The following CTCFL variants were observed in gnomAD, a reference collection of about 807,000 sequenced individuals.
The protein encoded by CTCFL is CCCTC-binding factor like.
In CTCFL, 36 loss-of-function variants were observed where a neutral mutation model predicts 67.4. That is an observed-to-expected ratio of 0.53 (90% CI 0.41 to 0.71). The LOEUF (loss-of-function observed/expected upper bound fraction) is 0.71, where lower values mean the gene tolerates loss of function less well. Among genes scored for constraint, CTCFL ranks in the 30% least tolerant of loss-of-function variants. The pLI is 0.00. For synonymous variants in CTCFL, 324 were observed against 302.3 expected, an observed-to-expected ratio of 1.07 and a Z score of -0.75; for missense variants, 786 against 835.2, an observed-to-expected ratio of 0.94 and a Z score of 0.73.
In CTCFL at chr20:57,498,190, T is replaced by C; in HGVS notation, c.*360A>G. ...ATATCCAAAAATCACTACTCACTCA[T>C]TGTGGGCCACCTTGCCAATATCAAG... On this transcript the variant is annotated 3_prime_UTR_variant, in exon 11 of 11. Coordinates refer to ENST00000243914, the MANE Select transcript of CTCFL (RefSeq NM_001386993.1). 5.0e-6 allele frequency: 5 copies of C among 999,390 alleles called. No homozygotes were observed. Among genetic ancestry groups the C allele is most frequent in the Non-Finnish European group, 6.0e-6 (5 of 839,008 alleles). 61.9% of individuals were successfully genotyped at this position (999,390 alleles called of 1,614,324 possible).
upstream of CTCFL, chr20:57,525,584 A>C (rs1600691984): frequency 2.7e-5 from 1 of 36,568 alleles, no homozygotes; most frequent in Middle Eastern, 0.019. Flanking sequence ...GGGAGATCTG[A>C]GGGGGAATGG....
chr20:57,501,133 G>A (rs570440997), intron 10 of CTCFL, among the ~76,000 whole-genome samples: 2 of 152,316 alleles, frequency 1.3e-5, no homozygotes, highest in East Asian at 1.9e-4. Flanking sequence ...GTGACTTAAC[G>A]AGCAATGCTG....
rs1304348741 is a variant in CTCFL, at chr20:57,515,727, CAT to C, written c.1165_1166del (p.Met389GlufsTer6). 2 of 1,614,036 alleles carry C rather than the reference CAT, an allele frequency of 1.2e-6. No homozygotes were observed. Among genetic ancestry groups the C allele is most frequent in the Non-Finnish European group, 1.7e-6 (2 of 1,180,034 alleles). On this transcript the variant is annotated frameshift_variant, in exon 6 of 11. Transcript: ENST00000243914. LOFTEE classifies it high-confidence loss of function. Reference protein sequence around the residue: ...SRDTYKLKRHMRTHSGEKPYE... With the variant: ...SRDTYKLKRHXRTHSGEKPYE... ...CAGAGCCCTTACCTGAGTGCGTTCT[CAT>C]GTGGCGTTTCAGCTTGTAGGTATCT...
intron 9 of CTCFL, among the ~76,000 whole-genome samples, chr20:57,503,963 A>G (rs2068050386): frequency 1.3e-5 from 2 of 151,560 alleles, no homozygotes; most frequent in African/African-American, 4.8e-5. Context: ...AAAAGGTGAT[A>G]GAAACCTAAA....
upstream of CTCFL, chr20:57,525,353 A>C: frequency 1.7e-5 from 1 of 59,050 alleles, no homozygotes; most frequent in Non-Finnish European, 3.1e-5. Context: ...CATACAGGGC[A>C]CTGGGAGACC....
At chr20:57,501,160 C>G (rs914825324) in intron 10 of CTCFL, among the ~76,000 whole-genome samples, 1 of 152,212 alleles carries the variant, frequency 6.6e-6, no homozygotes, top group Admixed American at 6.5e-5. Flanking sequence ...GGCCTAGTGC[C>G]AGGAGCTGGG....
At chr20:57,507,629 G>A (rs1218468908) in intron 9 of CTCFL, 6 of 702,910 alleles carry the variant, frequency 8.5e-6, no homozygotes, top group African/African-American at 7.0e-5. Flanking sequence ...ACTGAGGCCG[G>A]TGCCAGCAGT....
At position 57,504,677 on chromosome 20, in the gene CTCFL, C is replaced by G. The variant is rs867862769; in HGVS notation, c.1675-1076G>C. The stretch of plus-strand genomic sequence containing the variant: ...GCAGGGAGACCTAAGATAAGGAGGA[C>G]CTGGGGGCTGAAATCTGACCACTGC... On this transcript the variant is annotated intron_variant, in intron 9 of 10. Transcript: ENST00000243914. Among the ~76,000 whole-genome samples the G allele has an allele frequency of 3.9e-5, 6 of 151,952 alleles. No individual in the cohort carries two copies. The South Asian group carries it at 6.2e-4, about 16-fold the overall frequency.
upstream of CTCFL, chr20:57,525,247 G>A (rs2069793648): frequency 7.4e-6 from 1 of 135,710 alleles, no homozygotes; most frequent in African/African-American, 2.8e-5. Flanking sequence ...CAGGGGGGAA[G>A]GGGAGTAGGG....
Position 57,524,148 on chromosome 20 carries a change from C to A in CTCFL, c.58G>T (p.Glu20Ter). The A allele has an allele frequency of 1.2e-6, 2 of 1,613,508 alleles. No individual in the cohort carries two copies. Among genetic ancestry groups the A allele is most frequent in the Non-Finnish European group, 1.7e-6 (2 of 1,179,978 alleles). Reference protein sequence around the residue: ...SEQFTKIKELELMPEKGLKEE... With the variant: ...SEQFTKIKEL ...TTCAGGCCTTTTTCCGGCATCAACT[C>A]GAGTTCTTTGATCTTGGTGAATTGC... The change falls in exon 2 of 11, where the codon GAG (glutamate) becomes TAG (stop). Residue 20 changes from glutamate to a stop codon, truncating the protein, a stop_gained. Transcript: ENST00000243914. LOFTEE classifies it high-confidence loss of function.
At chr20:57,499,687 TG>T in intron 10 of CTCFL, 2 of 189,672 alleles carry the variant, frequency 1.1e-5, no homozygotes, top group Non-Finnish European at 2.1e-5. Context: ...CAGTCCCATC[TG>T]GGGGTGATGG....
chr20:57,498,811 C>T (rs2146268703), intron 10 of CTCFL, 110 bp from the exon 11 acceptor site: 2 of 930,560 alleles, frequency 2.1e-6, no homozygotes, highest in Non-Finnish European at 3.3e-6. Flanking sequence ...AACACGGCAG[C>T]AAGCATGTTA....
intron 9 of CTCFL, among the ~76,000 whole-genome samples, chr20:57,505,502 C>T (rs1156859215): frequency 2.0e-5 from 3 of 152,076 alleles, no homozygotes; most frequent in South Asian, 2.1e-4. Flanking sequence ...GTGATCCGCC[C>T]GCCTCGGCCT....
chr20:57,524,250 G>A (rs114907239), intron 1 of CTCFL, 34 bp from the exon 2 acceptor site: 12 of 1,569,380 alleles, frequency 7.6e-6, no homozygotes, highest in Admixed American at 3.5e-5. Context: ...TTTCCATAGG[G>A]GGGAGAAGGG....
At position 57,519,350 on chromosome 20, in the gene CTCFL, A is replaced by C. The variant is rs747051644; in HGVS notation, c.782T>G (p.Val261Gly). The C allele has an allele frequency of 1.1e-5, 18 of 1,614,018 alleles. No homozygotes were observed. Among genetic ancestry groups the C allele is most frequent in the Non-Finnish European group, 1.4e-5 (16 of 1,180,006 alleles). ...CATTCTAGAAGAGGTGAACATGCAG[A>C]CATCACAGTGGAAGGTTCCTTTTGC... ...KGAKGTFHCD[V>G]CMFTSSRMSS... Residue 261 changes from valine (V) to glycine (G), a missense_variant, in exon 4 of 11, where the codon GTC becomes GGC. By Grantham distance (109) the Val-to-Gly change is moderately radical. Around this residue, in one of 3 missense-constraint regions of CTCFL, gnomAD observed 333 missense variants for 304.6 expected, o/e 1.09. Transcript: ENST00000243914.
intron 9 of CTCFL, among the ~76,000 whole-genome samples, chr20:57,505,048 G>A (rs759190777): frequency 3.3e-5 from 5 of 151,752 alleles, no homozygotes; most frequent in Non-Finnish European, 4.4e-5. Context: ...AACAAGAGTC[G>A]GCTTCCCCAA....
At chr20:57,504,815 C>A (rs576439255) in intron 9 of CTCFL, among the ~76,000 whole-genome samples, 1 of 152,112 alleles carries the variant, frequency 6.6e-6, no homozygotes, top group African/African-American at 2.4e-5. Flanking sequence ...AACTTCTCTT[C>A]CTTAACCAAT....
At chr20:57,515,595 G>T in intron 6 of CTCFL, 119 bp downstream of exon 6, 2 of 1,227,528 alleles carry the variant, frequency 1.6e-6, no homozygotes, top group Non-Finnish European at 2.4e-6. Context: ...TATCATGAAG[G>T]CACGCAAAAA....
chr20:57,508,125 G>A (rs1444834815), intron 9 of CTCFL, among the ~76,000 whole-genome samples: 2 of 151,890 alleles, frequency 1.3e-5, no homozygotes, highest in East Asian at 1.9e-4. Flanking sequence ...TTGGAGGGAT[G>A]GGGGTCTCCC....
Sources: allele counts gnomAD v4.1 joint callset (sites outside exome capture counted in the v4.1 genomes callset), GRCh38; gene constraint gnomAD v4.1.1; regional missense constraint gnomAD v4.1.1; transcripts MANE v1.5; gene names NCBI Gene and HGNC (gene_info 2026-07-23, HGNC 2026-07-21).